Variants in AKAP9 observed in about 807,000 individuals in gnomAD.
AKAP9 encodes A-kinase anchoring protein 9, also known as A-kinase anchor protein 9.
A neutral mutation model predicts 488.5 loss-of-function variants in AKAP9; 311 were observed. The observed-to-expected ratio is 0.64, with a 90% CI of 0.58 to 0.70. The LOEUF (loss-of-function observed/expected upper bound fraction) is 0.70, where lower values mean the gene tolerates loss of function less well. AKAP9 is among the 30% of genes least tolerant of loss of function. AKAP9 has a pLI of 0.00. For synonymous variants in AKAP9, 1,462 were observed against 1,483.5 expected, an observed-to-expected ratio of 0.99 and a Z score of 0.33; for missense variants, 4,215 against 4,374.5, an observed-to-expected ratio of 0.96 and a Z score of 1.03.
At chr7:92,060,573 T>A (rs542169252) in intron 22 of AKAP9, among the ~76,000 whole-genome samples, 2 of 152,264 alleles carry the variant, frequency 1.3e-5, no homozygotes, top group African/African-American at 4.8e-5. Context: ...TAAAAAATTG[T>A]TTAAGAATGT....
intron 43 of AKAP9, among the ~76,000 whole-genome samples, chr7:92,098,418 T>A (rs1816996914): frequency 6.6e-6 from 1 of 152,228 alleles, no homozygotes; most frequent in South Asian, 2.1e-4. Context: ...GCTTTCATTA[T>A]TGTCATTGAA....
intron 45 of AKAP9, among the ~76,000 whole-genome samples, chr7:92,102,170 A>AAAAAT (rs1554469467): frequency 4.8e-4 from 65 of 135,040 alleles, no homozygotes; most frequent in African/African-American, 1.2e-3. Flanking sequence ...ATTTAAAAAA[A>AAAAAT]AAATAAATAA....
chr7:92,040,580 T>C, intron 17 of AKAP9, 94 bp from the exon 18 acceptor site: 2 of 861,984 alleles, frequency 2.3e-6, no homozygotes, highest in Non-Finnish European at 1.8e-6. Context: ...AGGAATAGAA[T>C]TGCTTTCGTA....
chr7:92,045,594 A>G (rs886366176), intron 21 of AKAP9, among the ~76,000 whole-genome samples: 4 of 152,206 alleles, frequency 2.6e-5, no homozygotes, highest in African/African-American at 9.6e-5. Flanking sequence ...CTTTTTAGGA[A>G]CCCAGCACCA....
At chr7:92,004,902 C>T (rs1291050674) in intron 8 of AKAP9, among the ~76,000 whole-genome samples, 2 of 152,174 alleles carry the variant, frequency 1.3e-5, no homozygotes, top group Non-Finnish European at 2.9e-5. Flanking sequence ...TGCCAGTTTT[C>T]AAAGGGAATG....
chr7:92,000,389 G>T (rs902198787), intron 7 of AKAP9, among the ~76,000 whole-genome samples: 1 of 152,122 alleles, frequency 6.6e-6, no homozygotes, highest in Non-Finnish European at 1.5e-5. Context: ...CATAGCCCTT[G>T]CCCATGACAC....
intron 21 of AKAP9, among the ~76,000 whole-genome samples, chr7:92,048,439 A>G (rs1807370176): frequency 6.6e-6 from 1 of 152,178 alleles, no homozygotes; most frequent in East Asian, 1.9e-4. Flanking sequence ...TTAAACCTGA[A>G]TGAATATTAG....
intron 1 of AKAP9, 57 bp downstream of exon 1, chr7:91,941,204 G>A: frequency 2.6e-6 from 4 of 1,549,618 alleles, no homozygotes; most frequent in Admixed American, 1.7e-5. Context: ...AGCACGGGGT[G>A]GGAGGGGGCC....
chr7:92,061,289 G>A lies in AKAP9; in HGVS notation c.5631G>A (p.Glu1877=), dbSNP rs747427798. The change falls in exon 23 of 50, where the codon GAG becomes GAA. Residue 1877 remains glutamate (E), a synonymous_variant. Coordinates refer to ENST00000356239, the MANE Select transcript of AKAP9 (RefSeq NM_005751.5). ...QLEHAKVTQT[E]LMRESFRQKQ... ...AACATGCGAAAGTGACACAGACAGA[G>A]TTGATGCGTGAGTCATTTAGACAGA... 3 of 1,612,734 alleles carry A rather than the reference G, an allele frequency of 1.9e-6. No individual in the cohort carries two copies. In the East Asian group the frequency reaches 6.7e-5, roughly 36 times the overall value.
At chr7:91,986,715 A>G (rs1797137387) in intron 3 of AKAP9, among the ~76,000 whole-genome samples, 1 of 152,154 alleles carries the variant, frequency 6.6e-6, no homozygotes, top group Non-Finnish European at 1.5e-5. Flanking sequence ...AGGTTCCAAA[A>G]AATGTATTGA....
At chr7:92,071,817 C>T (rs1324411509) in intron 28 of AKAP9, among the ~76,000 whole-genome samples, 1 of 152,080 alleles carries the variant, frequency 6.6e-6, no homozygotes, top group Non-Finnish European at 1.5e-5. Context: ...TCAGCTAAAA[C>T]TATAGTTCAG....
chr7:92,015,106 C>A (rs1384827735), intron 10 of AKAP9, among the ~76,000 whole-genome samples: 1 of 152,048 alleles, frequency 6.6e-6, no homozygotes, highest in African/African-American at 2.4e-5. Flanking sequence ...ATAGTTTAAG[C>A]AAATCTCAAG....
intron 20 of AKAP9, among the ~76,000 whole-genome samples, chr7:92,043,834 T>A (rs1417621213): frequency 6.6e-6 from 1 of 152,210 alleles, no homozygotes; most frequent in Non-Finnish European, 1.5e-5. Context: ...TTTAGCCTGA[T>A]TTTTGGCAAG....
intron 28 of AKAP9, among the ~76,000 whole-genome samples, chr7:92,074,692 ATGAGTT>A (rs1417929885): frequency 6.6e-6 from 1 of 152,218 alleles, no homozygotes; most frequent in Non-Finnish European, 1.5e-5. Context: ...ACAAAAAAGG[ATGAGTT>A]CATGTCCTTT....
At chr7:91,947,580 T>C (rs950687252) in intron 1 of AKAP9, among the ~76,000 whole-genome samples, 1 of 152,148 alleles carries the variant, frequency 6.6e-6, no homozygotes, top group Non-Finnish European at 1.5e-5. Flanking sequence ...GACCTTGTGA[T>C]CCGTCCACCT....
At chr7:92,018,986 A>G (rs1185551540) in intron 12 of AKAP9, among the ~76,000 whole-genome samples, 1 of 152,162 alleles carries the variant, frequency 6.6e-6, no homozygotes, top group Non-Finnish European at 1.5e-5. Context: ...TTCAACCAGA[A>G]ACTTGGGGAT....
intron 42 of AKAP9, 76 bp downstream of exon 42, chr7:92,097,870 G>T: frequency 7.0e-7 from 1 of 1,430,400 alleles, no homozygotes; most frequent in East Asian, 2.3e-5. Context: ...GGGACAGCTA[G>T]CCAAGGGTGG....
Position 91,991,878 on chromosome 7 carries a change from G to A in AKAP9, c.352-280G>A, listed in dbSNP as rs541958837. Among the ~76,000 whole-genome samples, 11 of 152,276 alleles carry A rather than the reference G, an allele frequency of 7.2e-5. No individual in the cohort carries two copies. In the South Asian group the frequency reaches 2.3e-3, roughly 32 times the overall value. On this transcript the variant is annotated intron_variant, in intron 3 of 49. Transcript: ENST00000356239. ...TTATTGAGGTTTATACTTCTGAAGA[G>A]CAAACAGAAACTGCACTTAGAACTT...
chr7:91,958,225 T>C (rs116277588), intron 1 of AKAP9, among the ~76,000 whole-genome samples: 1,598 of 152,282 alleles, frequency 0.01, 25 homozygotes, highest in African/African-American at 0.037. Context: ...CCTGCAAAAA[T>C]ATATCCATAT....
Sources: allele counts gnomAD v4.1 joint callset (sites outside exome capture counted in the v4.1 genomes callset), GRCh38; gene constraint gnomAD v4.1.1; transcripts MANE v1.5; gene names NCBI Gene and HGNC (gene_info 2026-07-23, HGNC 2026-07-21).